Variants in GABRG3 observed in about 807,000 individuals in gnomAD.
GABRG3 encodes the protein gamma-aminobutyric acid receptor subunit gamma-3.
GABRG3 carries 25 observed loss-of-function variants against 48.8 expected under a neutral mutation model. That is an observed-to-expected ratio of 0.51 (90% CI 0.37 to 0.72). GABRG3 has a LOEUF of 0.72. Among genes scored for constraint, GABRG3 ranks in the 30% least tolerant of loss-of-function variants. The pLI is 0.00. For synonymous variants in GABRG3, 227 were observed against 217.6 expected (o/e 1.04, Z -0.38); for missense variants, 394 against 577.9 (o/e 0.68, Z 3.26).
chr15:27,270,003 A>G (rs1891031814), intron 3 of GABRG3, among the ~76,000 whole-genome samples: 1 of 152,196 alleles, frequency 6.6e-6, no homozygotes, highest in African/African-American at 2.4e-5. Context: ...TACTTCTGCT[A>G]TGTCCTCTTA....
At chr15:27,494,764 A>G (rs1890442523) in intron 6 of GABRG3, among the ~76,000 whole-genome samples, 1 of 152,040 alleles carries the variant, frequency 6.6e-6, no homozygotes, top group African/African-American at 2.4e-5. Flanking sequence ...TGTTAATCTT[A>G]TTGATAGTTT....
chr15:27,252,313 G>A (rs1047626614), intron 3 of GABRG3, among the ~76,000 whole-genome samples: 3 of 152,114 alleles, frequency 2.0e-5, no homozygotes, highest in Non-Finnish European at 2.9e-5. Flanking sequence ...TCTGGCTCCC[G>A]AGGTCCTCCC....
chr15:27,171,841 C>T (rs761408140), intron 3 of GABRG3, among the ~76,000 whole-genome samples: 21 of 152,156 alleles, frequency 1.4e-4, no homozygotes, highest in Admixed American at 2.6e-4. Flanking sequence ...TAATTTTCTA[C>T]GACTGTAATA....
intron 3 of GABRG3, among the ~76,000 whole-genome samples, chr15:27,168,359 C>T (rs917726608): frequency 6.6e-6 from 1 of 151,594 alleles, no homozygotes; most frequent in African/African-American, 2.4e-5. Flanking sequence ...AGGCAGTCGC[C>T]CCACACATGT....
intron 3 of GABRG3, among the ~76,000 whole-genome samples, chr15:27,129,969 G>A (rs1304664495): frequency 2.0e-5 from 3 of 152,016 alleles, no homozygotes; most frequent in Non-Finnish European, 4.4e-5. Flanking sequence ...TATCAGATAT[G>A]TAATAATATG....
chr15:27,350,025 T>G, intron 5 of GABRG3: 1 of 447,082 alleles, frequency 2.2e-6, no homozygotes, highest in Admixed American at 2.4e-5. Flanking sequence ...GCCAAAAGAT[T>G]ACCAGGTTAG....
chr15:27,437,078 T>G (rs1888640833), intron 5 of GABRG3, among the ~76,000 whole-genome samples: 1 of 152,090 alleles, frequency 6.6e-6, no homozygotes, highest in Admixed American at 6.5e-5. Flanking sequence ...TTTGTTTGTT[T>G]CCATGTTCTA....
At chr15:26,986,847 T>C (rs763951276) in intron 2 of GABRG3, among the ~76,000 whole-genome samples, 6 of 152,158 alleles carry the variant, frequency 3.9e-5, no homozygotes, top group Non-Finnish European at 8.8e-5. Context: ...GATTAGAAAG[T>C]GTTTGAGTGA....
At chr15:27,171,081 G>A (rs1443294659) in intron 3 of GABRG3, among the ~76,000 whole-genome samples, 1 of 152,208 alleles carries the variant, frequency 6.6e-6, no homozygotes, top group Non-Finnish European at 1.5e-5. Context: ...CTGGGGACCA[G>A]AGGAGAGGAC....
At chr15:27,362,923 T>C (rs781514460) in intron 5 of GABRG3, 9 of 152,202 alleles carry the variant, frequency 5.9e-5, no homozygotes, top group Non-Finnish European at 1.2e-4. Flanking sequence ...AGAAAGTACA[T>C]AGGTGAAAAA....
intron 3 of GABRG3, among the ~76,000 whole-genome samples, chr15:27,281,286 G>A (rs1891424931): frequency 6.6e-6 from 1 of 152,002 alleles, no homozygotes; most frequent in African/African-American, 2.4e-5. Flanking sequence ...TATATTTAAT[G>A]TAGCTATGTA....
chr15:27,269,337 C>CCCA (rs896685978), intron 3 of GABRG3, among the ~76,000 whole-genome samples: 1 of 152,172 alleles, frequency 6.6e-6, no homozygotes, highest in African/African-American at 2.4e-5. Context: ...CCTGGACCTG[C>CCCA]CCACCACCAC....
intron 3 of GABRG3, among the ~76,000 whole-genome samples, chr15:27,133,313 C>A (rs1897953294): frequency 6.6e-6 from 1 of 152,074 alleles, no homozygotes. Flanking sequence ...AACATGTGTC[C>A]TGAATTAATA....
At chr15:27,508,895 A>G (rs1034830280) in intron 6 of GABRG3, among the ~76,000 whole-genome samples, 14 of 151,846 alleles carry the variant, frequency 9.2e-5, no homozygotes, top group Admixed American at 2.0e-4. Context: ...GTTTCTTTGT[A>G]TTTTTAGTAG....
At chr15:27,024,689 G>A (rs1260876753) in intron 2 of GABRG3, among the ~76,000 whole-genome samples, 1 of 152,160 alleles carries the variant, frequency 6.6e-6, no homozygotes, top group Non-Finnish European at 1.5e-5. Context: ...TACTGTCAGA[G>A]CCACTATTCT....
chr15:27,080,733 C>T (rs1896978865), intron 3 of GABRG3, among the ~76,000 whole-genome samples: 1 of 152,206 alleles, frequency 6.6e-6, no homozygotes, highest in Non-Finnish European at 1.5e-5. Flanking sequence ...ACAGTTATGG[C>T]CCTCTGTCCA....
At chr15:27,104,543 TG>T (rs1897417906) in intron 3 of GABRG3, among the ~76,000 whole-genome samples, 1 of 152,252 alleles carries the variant, frequency 6.6e-6, no homozygotes, top group Non-Finnish European at 1.5e-5. Context: ...ATATATGGTA[TG>T]TCTAGTGACG....
chr15:27,155,151 C>T (rs1306743322), intron 3 of GABRG3, among the ~76,000 whole-genome samples: 5 of 152,190 alleles, frequency 3.3e-5, no homozygotes, highest in African/African-American at 1.2e-4. Context: ...TTTCCTCTTT[C>T]CTCAATTCTG....
chr15:27,387,071 G>A (rs1053274428), intron 5 of GABRG3, among the ~76,000 whole-genome samples: 41 of 152,146 alleles, frequency 2.7e-4, no homozygotes, highest in African/African-American at 9.7e-4. Flanking sequence ...AGTTACTTGT[G>A]TACCCTTTAC....
Sources: gnomAD v4.1 joint callset for allele counts (sites outside exome capture counted in the v4.1 genomes callset) on GRCh38, gnomAD v4.1.1 for gene constraint, MANE v1.5 for transcripts, NCBI Gene and HGNC (gene_info 2026-07-23, HGNC 2026-07-21) for gene names.